ELANE: variants seen among roughly 807,000 people sequenced by gnomAD.
ELANE encodes elastase, neutrophil expressed.
ELANE carries 12 observed loss-of-function variants against 20.6 expected under a neutral mutation model. The observed-to-expected ratio is 0.58, with a 90% confidence interval of 0.37 to 0.94. The LOEUF is 0.94. ELANE is among the 40% of genes least tolerant of loss of function. ELANE has a pLI of 0.01. For synonymous variants in ELANE, 203 were observed against 177.4 expected (o/e 1.14, Z -1.15); for missense variants, 388 against 395.2 (o/e 0.98, Z 0.15).
intron 2 of ELANE, 45 bp from the exon 3 acceptor site, chr19:853,216 CG>C (rs1288716552): frequency 1.3e-6 from 2 of 1,547,622 alleles, no homozygotes. Flanking sequence ...GGCTGAGCCC[CG>C]ACCCCCGGGG....
intron 3 of ELANE, among the ~76,000 whole-genome samples, chr19:854,176 G>T (rs754347003): frequency 8.5e-5 from 13 of 152,200 alleles, no homozygotes; most frequent in Non-Finnish European, 1.6e-4. Flanking sequence ...GGGCCCCGTG[G>T]CTCAGGCCTG....
At position 853,309 on chromosome 19, in the gene ELANE, G is replaced by C. The variant is rs1201600992; in HGVS notation, c.272G>C (p.Arg91Pro). 6.2e-7 allele frequency: 1 copy of C among 1,610,906 alleles called. No homozygotes were observed. Among genetic ancestry groups the C allele is most frequent in the Non-Finnish European group, 8.5e-7 (1 of 1,179,042 alleles). Reference protein sequence around the residue: ...RVVLGAHNLSRREPTRQVFAV... With the variant: ...RVVLGAHNLSPREPTRQVFAV... Reference sequence around the variant, plus strand: ...GTCCTGGGAGCCCATAACCTCTCGCGGCGGGAGCCCACCCGGCAGGTGTTC... The same window carrying C: ...GTCCTGGGAGCCCATAACCTCTCGCCGCGGGAGCCCACCCGGCAGGTGTTC... The change falls in exon 3 of 5, where the codon CGG becomes CCG. Residue 91 changes from arginine (R) to proline (P), a missense_variant. Physicochemically the swap from Arg to Pro is moderately radical, Grantham distance 103. This residue lies in a region of ELANE where 321 missense variants were observed against 309.8 expected (regional missense o/e 1.04). Transcript: ENST00000263621.
chr19:852,419 C>G (rs747186641), intron 1 of ELANE, 24 bp downstream of exon 1: 2 of 1,605,510 alleles, frequency 1.2e-6, no homozygotes, highest in Non-Finnish European at 1.7e-6. Context: ...TCCAACCTCC[C>G]GCTGCTCCCT....
In ELANE at chr19:856,193, C is replaced by T. The variant is rs752559979; in HGVS notation, c.*29C>T. ...GGGCTGCCCGGGTCACCTCAGCTGC[C>T]CACACCCACACTCTCCAGCATCTGG... On this transcript the variant is annotated 3_prime_UTR_variant, in exon 5 of 5. Transcript: ENST00000263621. 1 of 1,606,690 alleles carries T rather than the reference C, an allele frequency of 6.2e-7. No homozygotes were observed. The highest frequency in any genetic ancestry group is 1.1e-5 in the South Asian group (1 of 90,988).
intron 3 of ELANE, 100 bp downstream of exon 3, chr19:853,503 C>G: frequency 7.1e-7 from 1 of 1,414,708 alleles, no homozygotes; most frequent in Non-Finnish European, 9.6e-7. Context: ...TCGTGGGGAC[C>G]TGGGGTGGCA....
chr19:853,645 C>G (rs1397473500), intron 3 of ELANE, among the ~76,000 whole-genome samples: 2 of 151,932 alleles, frequency 1.3e-5, no homozygotes, highest in South Asian at 2.1e-4. Context: ...AATCAACAAA[C>G]TTACTGAGAA....
chr19:855,802 C>T lies in ELANE; in HGVS notation c.597+8C>T, dbSNP rs1436679408. 2.5e-6 allele frequency: 4 copies of T among 1,608,042 alleles called. No homozygotes were observed. The highest frequency in any genetic ancestry group is 2.5e-6 in the Non-Finnish European group (3 of 1,179,842). The stretch of plus-strand genomic sequence containing the variant: ...CAGGCCGGCGTCTGTTTCGTACGTG[C>T]CCTGGGTGTCCCTCTGCTCCCCACC... On this transcript the variant is annotated splice_region_variant and intron_variant, in intron 4 of 4. Coordinates refer to ENST00000263621, the MANE Select transcript of ELANE (RefSeq NM_001972.4). This position sits in a 1 kb window ranked among gnomAD's most constrained non-coding sequence, Gnocchi z 6.2.
At chr19:854,935 C>G (rs2035653911) in intron 3 of ELANE, among the ~76,000 whole-genome samples, 2 of 151,624 alleles carry the variant, frequency 1.3e-5, no homozygotes, top group Admixed American at 6.6e-5. Flanking sequence ...CTCACTGCAA[C>G]CTCCGCCTCC....
In ELANE at chr19:855,741, C is replaced by T. The variant is rs1336866933; in HGVS notation, c.544C>T (p.Arg182Cys). Residue 182 changes from arginine to cysteine, a missense_variant, in exon 4 of 5, where the codon CGT (arginine) becomes TGT (cysteine). By Grantham distance (180) the Arg-to-Cys change is radical. Around this residue, in one of 3 missense-constraint regions of ELANE, gnomAD observed 321 missense variants for 309.8 expected, o/e 1.04. Coordinates refer to ENST00000263621, the MANE Select transcript of ELANE (RefSeq NM_001972.4). The surrounding 1 kb of genome is among the most constrained non-coding windows in gnomAD (Gnocchi z 6.2). ...LNVTVVTSLC[R>C]RSNVCTLVRG... ...CGTGACGGTGGTGACGTCCCTCTGC[C>T]GTCGCAGCAACGTCTGCACTCTCGT... The T allele has an allele frequency of 3.1e-6, 5 of 1,609,502 alleles. No homozygotes were observed. Among genetic ancestry groups the T allele is most frequent in the Admixed American group, 3.3e-5 (2 of 59,996 alleles).
In ELANE at chr19:852,894, A is replaced by G; in HGVS notation, c.86A>G (p.Glu29Gly). Residue 29 changes from glutamate (E) to glycine (G), a missense_variant, in exon 2 of 5, where the codon GAG becomes GGG. Glu to Gly is a moderately conservative substitution (Grantham distance 98). Around this residue, in one of 3 missense-constraint regions of ELANE, gnomAD observed 58 missense variants for 56.7 expected, o/e 1.02. Transcript: ENST00000263621. ...LLLGGTALAS[E>G]IVGGRRARPH... is the part of the protein sequence containing the mutation. The stretch of plus-strand genomic sequence containing the variant: ...TCCCCAGGCACCGCGCTGGCCTCGG[A>G]GATTGTGGGGGGCCGGCGAGCGCGG... The G allele has an allele frequency of 6.3e-7, 1 of 1,595,980 alleles. No homozygotes were observed.
At chr19:852,598 G>T (rs951135037) in intron 1 of ELANE, among the ~76,000 whole-genome samples, 9 of 147,538 alleles carry the variant, frequency 6.1e-5, no homozygotes, top group Non-Finnish European at 9.0e-5. Context: ...CCGGGGAGGG[G>T]GGGGGGGTCG....
At position 856,094 on chromosome 19, in the gene ELANE, T is replaced by C; in HGVS notation, c.734T>C (p.Ile245Thr). Residue 245 changes from isoleucine to threonine, a missense_variant, in exon 5 of 5, where the codon ATC (isoleucine) becomes ACC (threonine). Around this residue, in one of 3 missense-constraint regions of ELANE, gnomAD observed 321 missense variants for 309.8 expected, o/e 1.04. Transcript: ENST00000263621. Reference protein sequence around the residue: ...VAQFVNWIDSIIQRSEDNPCP... With the variant: ...VAQFVNWIDSTIQRSEDNPCP... The stretch of plus-strand genomic sequence containing the variant: ...CAGTTTGTAAACTGGATCGACTCTA[T>C]CATCCAACGCTCCGAGGACAACCCC... 1 of 1,613,220 alleles carries C rather than the reference T, an allele frequency of 6.2e-7. No homozygotes were observed. The highest frequency in any genetic ancestry group is 8.5e-7 in the Non-Finnish European group (1 of 1,180,010).
At chr19:853,482 G>A in intron 3 of ELANE, 79 bp downstream of exon 3, 1 of 1,502,832 alleles carries the variant, frequency 6.7e-7, no homozygotes, top group Non-Finnish European at 9.0e-7. Context: ...GGAGGGGCGC[G>A]TCGGGGCCGC....
rs34535016 is a variant in ELANE, at chr19:853,122, C to CGG, written c.224+98_224+99dup. On this transcript the variant is annotated intron_variant, in intron 2 of 4. Transcript: ENST00000263621. ...GGGAGGCCGGGGCCGGGGCTGCTGGCGGGGGGGGGTCCGTCCAGGGCCCGC... is the reference window on the plus strand; with the variant it reads ...GGGAGGCCGGGGCCGGGGCTGCTGGCGGGGGGGGGGGTCCGTCCAGGGCCCGC... The CGG allele has an allele frequency of 4.0e-6, 4 of 995,924 alleles. No individual in the cohort carries two copies. In the African/African-American group the frequency reaches 5.3e-5, roughly 13 times the overall value. 61.7% of individuals were successfully genotyped at this position (995,924 alleles called of 1,614,324 possible).
rs1449891193 is a variant in ELANE, at chr19:856,216, T to C, written c.*52T>C. 1 of 1,590,940 alleles carries C rather than the reference T, an allele frequency of 6.3e-7. No homozygotes were observed. Among genetic ancestry groups the C allele is most frequent in the Non-Finnish European group, 8.6e-7 (1 of 1,160,722 alleles). On this transcript the variant is annotated 3_prime_UTR_variant, in exon 5 of 5. Transcript: ENST00000263621. Reference sequence around the variant, plus strand: ...GCCCACACCCACACTCTCCAGCATCTGGCACAATAAACATTCTCTGTTTTG... The same window carrying C: ...GCCCACACCCACACTCTCCAGCATCCGGCACAATAAACATTCTCTGTTTTG...
rs780466596 is a variant in ELANE at position 855,635 on chromosome 19, C to T, written c.438C>T (p.Gly146=). The change falls in exon 4 of 5, where the codon GGC becomes GGT. Residue 146 remains glycine, a synonymous_variant. Transcript: ENST00000263621. This position sits in a 1 kb window ranked among gnomAD's most constrained non-coding sequence, Gnocchi z 6.2. ...AQLPAQGRRL[G]NGVQCLAMGW... ...TGCCGGCTCAGGGACGCCGCCTGGG[C>T]AACGGGGTGCAGTGCCTGGCCATGG... 1 of 1,605,480 alleles carries T rather than the reference C, an allele frequency of 6.2e-7. No homozygotes were observed. Among genetic ancestry groups the T allele is most frequent in the Non-Finnish European group, 8.5e-7 (1 of 1,179,838 alleles).
rs1449891193 is a variant in ELANE, at chr19:856,216, T to G, written c.*52T>G. 1 of 1,590,940 alleles carries G rather than the reference T, an allele frequency of 6.3e-7. No homozygotes were observed. The highest frequency in any genetic ancestry group is 8.6e-7 in the Non-Finnish European group (1 of 1,160,722). Reference sequence around the variant, plus strand: ...GCCCACACCCACACTCTCCAGCATCTGGCACAATAAACATTCTCTGTTTTG... The same window carrying G: ...GCCCACACCCACACTCTCCAGCATCGGGCACAATAAACATTCTCTGTTTTG... On this transcript the variant is annotated 3_prime_UTR_variant, in exon 5 of 5. Coordinates refer to ENST00000263621, the MANE Select transcript of ELANE (RefSeq NM_001972.4).
rs1050778419 is a variant in ELANE at position 852,342 on chromosome 19, G to A, written c.14G>A (p.Arg5His). ...CCCAGCCCCACCATGACCCTCGGCC[G>A]CCGACTCGCGTGTCTTTTCCTCGCC... MTLG[R>H]RLACLFLACV... Residue 5 changes from arginine to histidine, a missense_variant, in exon 1 of 5, where the codon CGC becomes CAC. Around this residue, in one of 3 missense-constraint regions of ELANE, gnomAD observed 58 missense variants for 56.7 expected, o/e 1.02. Transcript: ENST00000263621. 13 of 1,610,002 alleles carry A rather than the reference G, an allele frequency of 8.1e-6. No individual in the cohort carries two copies. The Admixed American group carries it at 1.0e-4, about 12-fold the overall frequency.
chr19:852,534 T>C lies in ELANE; in HGVS notation c.67+139T>C. ...CTGGGACAAGGAGACCAGAAGAGAC[T>C]GAGGTTCTGAGCGGTGAAGCCACCA... On this transcript the variant is annotated intron_variant, in intron 1 of 4. Coordinates refer to ENST00000263621, the MANE Select transcript of ELANE (RefSeq NM_001972.4). 13 of 1,019,098 alleles carry C rather than the reference T, an allele frequency of 1.3e-5. No individual in the cohort carries two copies. In the South Asian group the frequency reaches 1.4e-4, roughly 11 times the overall value. The allele number at this position is 1,019,098 out of a possible 1,614,324, so 63.1% of individuals were successfully genotyped here.
Sources: gnomAD v4.1 joint callset for allele counts (sites outside exome capture counted in the v4.1 genomes callset) on GRCh38, gnomAD v4.1.1 for gene constraint, gnomAD v4.1.1 regional missense constraint, Gnocchi (gnomAD v3.1) non-coding constraint, MANE v1.5 for transcripts, NCBI Gene and HGNC (gene_info 2026-07-23, HGNC 2026-07-21) for gene names.